JAZF1: variants seen among roughly 807,000 people sequenced by gnomAD.
JAZF1 encodes JAZF zinc finger 1, also known as juxtaposed with another zinc finger protein 1.
Under a neutral mutation model 26.4 loss-of-function variants are expected in JAZF1, and 8 were observed. The ratio of observed to expected loss-of-function variants is 0.30; its 90% CI spans 0.18 to 0.55. JAZF1 has a LOEUF of 0.55. Ranked by LOEUF, JAZF1 falls within the 20% of genes least tolerant of loss-of-function variation. The pLI, the probability that JAZF1 is intolerant of heterozygous loss-of-function variation, is 0.94. For missense variants in JAZF1, 199 were observed against 322.0 expected (o/e 0.62, Z 2.92); for synonymous variants, 126 against 122.3 (o/e 1.03, Z -0.20).
intron 1 of JAZF1, among the ~76,000 whole-genome samples, chr7:28,029,054 T>A (rs1275949344): frequency 6.6e-6 from 1 of 152,052 alleles, no homozygotes; most frequent in Non-Finnish European, 1.5e-5. Context: ...CATGCAGACA[T>A]CTTTTGTTAA....
In JAZF1 at chr7:28,091,927, A is replaced by C. The variant is rs541450465; in HGVS notation, c.115+88536T>G. Among the ~76,000 whole-genome samples the C allele has an allele frequency of 4.9e-4, 74 of 152,262 alleles. 2 individuals carry two copies. The South Asian group carries it at 0.015, about 32-fold the overall frequency. Reference sequence around the variant, plus strand: ...AAAACCTTGTAAAATCAACTTGGCAATAACATTTCATGCAGTCCAAGTATG... The same window carrying C: ...AAAACCTTGTAAAATCAACTTGGCACTAACATTTCATGCAGTCCAAGTATG... On this transcript the variant is annotated intron_variant, in intron 1 of 4. Transcript: ENST00000283928.
intron 1 of JAZF1, among the ~76,000 whole-genome samples, chr7:27,993,522 T>C (rs1239424887): frequency 6.6e-6 from 1 of 152,190 alleles, no homozygotes; most frequent in Non-Finnish European, 1.5e-5. Context: ...GAAAGATACT[T>C]GCTGGAGGAG....
Position 27,991,996 on chromosome 7 carries a change from C to G in JAZF1, c.116-15G>C. ...TGGATCTGTATCTGTAATAAAAACA[C>G]AATTACGATTTTTTTTAGATTTTGC... is the stretch of plus-strand genomic sequence containing the variant. On this transcript the variant is annotated splice_polypyrimidine_tract_variant and intron_variant, in intron 1 of 4. Transcript: ENST00000283928. 3.9e-6 allele frequency: 6 copies of G among 1,522,440 alleles called. No homozygotes were observed. Among genetic ancestry groups the G allele is most frequent in the Non-Finnish European group, 5.5e-6 (6 of 1,097,364 alleles). The allele number at this position is 1,522,440 out of a possible 1,614,324, so 94.3% of individuals were successfully genotyped here.
chr7:28,000,990 T>C (rs1394707414), intron 1 of JAZF1, among the ~76,000 whole-genome samples: 1 of 152,186 alleles, frequency 6.6e-6, no homozygotes, highest in Non-Finnish European at 1.5e-5. Context: ...TTGCCATGTT[T>C]AGTTGCTTAG....
intron 1 of JAZF1, among the ~76,000 whole-genome samples, chr7:28,031,718 T>C (rs532013199): frequency 1.7e-4 from 26 of 151,764 alleles, no homozygotes; most frequent in African/African-American, 6.3e-4. Context: ...CAACACACAC[T>C]GGGGCCAGTC....
At chr7:28,074,331 G>A (rs1056978184) in intron 1 of JAZF1, among the ~76,000 whole-genome samples, 1 of 152,190 alleles carries the variant, frequency 6.6e-6, no homozygotes, top group African/African-American at 2.4e-5. Context: ...ATGGAATAGA[G>A]AGGAAACCTG....
intron 2 of JAZF1, among the ~76,000 whole-genome samples, chr7:27,896,038 CACAG>C (rs1413252292): frequency 2.0e-5 from 3 of 152,202 alleles, no homozygotes; most frequent in African/African-American, 7.2e-5. Flanking sequence ...CCTCAGGAAA[CACAG>C]ACAGAACTGC....
intron 1 of JAZF1, among the ~76,000 whole-genome samples, chr7:28,047,463 G>A (rs1177030121): frequency 2.0e-5 from 3 of 152,098 alleles, no homozygotes; most frequent in Non-Finnish European, 4.4e-5. Flanking sequence ...GGAGTGAAAT[G>A]TATCTCTGTT....
chr7:28,175,427 T>C (rs1783534443), intron 1 of JAZF1, among the ~76,000 whole-genome samples: 1 of 152,178 alleles, frequency 6.6e-6, no homozygotes, highest in Non-Finnish European at 1.5e-5. Context: ...GGCAAGAAAC[T>C]AGATGATGTA....
intron 1 of JAZF1, among the ~76,000 whole-genome samples, chr7:28,132,017 C>G (rs1394898695): frequency 6.6e-6 from 1 of 152,106 alleles, no homozygotes; most frequent in Non-Finnish European, 1.5e-5. Flanking sequence ...ACTCTTTGAT[C>G]CTACTACCCT....
At chr7:27,833,623 C>T (rs1040252591) in intron 4 of JAZF1, among the ~76,000 whole-genome samples, 1 of 152,264 alleles carries the variant, frequency 6.6e-6, no homozygotes, top group Non-Finnish European at 1.5e-5. Flanking sequence ...CAGACTAGTC[C>T]TTACCTTAAG....
rs199596536 is a variant in JAZF1, at chr7:27,949,802, A to T, written c.188+42107T>A. Among the ~76,000 whole-genome samples the T allele has an allele frequency of 7.9e-5, 12 of 152,328 alleles. No homozygotes were observed. In the East Asian group the frequency reaches 2.1e-3, roughly 27 times the overall value. On this transcript the variant is annotated intron_variant, in intron 2 of 4. Transcript: ENST00000283928. The stretch of plus-strand genomic sequence containing the variant: ...CTAAATATATAAATAAAATAAAATT[A>T]ACAGTCTGCCTCCTAGACAATGCCA...
rs1368873651 is a variant in JAZF1, at chr7:27,979,405, T to TTTTTTTTTTTTTTTC, written c.188+12503_188+12504insGAAAAAAAAAAAAAA. 3.6e-5 allele frequency among the ~76,000 whole-genome samples: 3 copies of TTTTTTTTTTTTTTTC among 84,248 alleles called. 1 individual carries two copies. The East Asian group carries it at 1.2e-3, about 35-fold the overall frequency. 55.3% of individuals were successfully genotyped at this position (84,248 alleles called of 152,430 possible). A position where few individuals can be genotyped will look rare whatever the true frequency, so the allele number is the denominator to read the frequency against. On this transcript the variant is annotated intron_variant, in intron 2 of 4. Coordinates refer to ENST00000283928, the MANE Select transcript of JAZF1 (RefSeq NM_175061.4). ...TTTTTTTTTTTTTTTTTTTTTTTTT[T>TTTTTTTTTTTTTTTC]AGAAACAGAGTCTTGTTCTATCACC...
intron 2 of JAZF1, among the ~76,000 whole-genome samples, chr7:27,909,730 A>C (rs183182812): frequency 3.7e-4 from 57 of 152,126 alleles, no homozygotes; most frequent in African/African-American, 1.3e-3. Context: ...AAAACAAAAC[A>C]AAAAAACAAA....
chr7:27,918,006 G>T (rs1784470842), intron 2 of JAZF1, among the ~76,000 whole-genome samples: 1 of 152,172 alleles, frequency 6.6e-6, no homozygotes, highest in African/African-American at 2.4e-5. Flanking sequence ...AAGCGATGAT[G>T]AACTACAGTG....
intron 2 of JAZF1, among the ~76,000 whole-genome samples, chr7:27,979,104 G>A (rs1481721242): frequency 6.6e-6 from 1 of 152,124 alleles, no homozygotes; most frequent in African/African-American, 2.4e-5. Flanking sequence ...AGTACAGGGA[G>A]TCCTACAAAG....
At chr7:27,941,283 C>T (rs1484336114) in intron 2 of JAZF1, among the ~76,000 whole-genome samples, 1 of 152,118 alleles carries the variant, frequency 6.6e-6, no homozygotes, top group Non-Finnish European at 1.5e-5. Context: ...TCCCTTTTTC[C>T]TTCATAAATG....
At chr7:27,836,320 G>A (rs1395204650) in intron 4 of JAZF1, among the ~76,000 whole-genome samples, 1 of 152,028 alleles carries the variant, frequency 6.6e-6, no homozygotes, top group Non-Finnish European at 1.5e-5. Context: ...AGGTGGGGGG[G>A]GTTCCACCAT....
intron 2 of JAZF1, among the ~76,000 whole-genome samples, chr7:27,965,231 G>A (rs961881939): frequency 8.6e-5 from 13 of 152,016 alleles, no homozygotes; most frequent in Admixed American, 6.6e-5. Context: ...TTTATTCCCC[G>A]ATATTTATAA....
Sources: allele counts gnomAD v4.1 joint callset (sites outside exome capture counted in the v4.1 genomes callset), GRCh38; gene constraint gnomAD v4.1.1; transcripts MANE v1.5; gene names NCBI Gene and HGNC (gene_info 2026-07-23, HGNC 2026-07-21).